Variants in AMPH observed in about 807,000 individuals in gnomAD.
AMPH encodes amphiphysin, also known as amphiphysin (Stiff-Mann syndrome with breast cancer 128kD autoantigen).
In AMPH, 49 loss-of-function variants were observed where a neutral mutation model predicts 99.1. The observed-to-expected ratio is 0.49, with a 90% CI of 0.39 to 0.63. The LOEUF (loss-of-function observed/expected upper bound fraction) is 0.63. Among genes scored for constraint, AMPH ranks in the 20% least tolerant of loss-of-function variants. The pLI is 0.00. For synonymous variants in AMPH, 314 were observed against 317.3 expected, an observed-to-expected ratio of 0.99 and a Z score of 0.11; for missense variants, 759 against 863.4, an observed-to-expected ratio of 0.88 and a Z score of 1.52.
chr7:38,419,505 T>C (rs992965877), intron 16 of AMPH, among the ~76,000 whole-genome samples: 1 of 152,210 alleles, frequency 6.6e-6, no homozygotes, highest in Non-Finnish European at 1.5e-5. Context: ...AAGAATGAGA[T>C]AAAATTCACA....
chr7:38,414,558 T>C (rs1785309957), intron 17 of AMPH, among the ~76,000 whole-genome samples: 1 of 152,194 alleles, frequency 6.6e-6, no homozygotes. Context: ...AATCTAACCA[T>C]AATTAATTGT....
At chr7:38,515,331 A>G (rs912667149) in intron 2 of AMPH, among the ~76,000 whole-genome samples, 1 of 152,234 alleles carries the variant, frequency 6.6e-6, no homozygotes, top group Non-Finnish European at 1.5e-5. Context: ...TGACTGGATC[A>G]TGGGGGTGGA....
chr7:38,472,151 TATAA>T (rs1787910284), intron 7 of AMPH, among the ~76,000 whole-genome samples: 1 of 152,154 alleles, frequency 6.6e-6, no homozygotes, highest in South Asian at 2.1e-4. Flanking sequence ...TCTGAAGGAT[TATAA>T]ATAGTTTGAT....
chr7:38,491,449 T>A (rs1035300532), intron 4 of AMPH, among the ~76,000 whole-genome samples: 12 of 152,122 alleles, frequency 7.9e-5, no homozygotes, highest in Non-Finnish European at 2.9e-5. Context: ...ACTTTGGGGC[T>A]AAGAGACTGA....
At chr7:38,417,997 A>G in intron 16 of AMPH, 47 bp from the exon 17 acceptor site, 1 of 1,594,802 alleles carries the variant, frequency 6.3e-7, no homozygotes. Context: ...TTCAACAGGT[A>G]AATAGATAAC....
At chr7:38,407,481 T>C (rs1275378550) in intron 17 of AMPH, among the ~76,000 whole-genome samples, 1 of 151,974 alleles carries the variant, frequency 6.6e-6, no homozygotes, top group Non-Finnish European at 1.5e-5. Flanking sequence ...GAGAGGAGGC[T>C]GAAGGTTGGA....
At position 38,591,548 on chromosome 7, in the gene AMPH, A is replaced by G. The variant is rs143849496; in HGVS notation, c.69+39735T>C. 2.2e-3 allele frequency among the ~76,000 whole-genome samples: 328 copies of G among 152,212 alleles called. 2 individuals are homozygous for G. Among genetic ancestry groups the G allele is most frequent in the African/African-American group, 6.8e-3 (284 of 41,544 alleles). On this transcript the variant is annotated intron_variant, in intron 1 of 20. Coordinates refer to ENST00000356264, the MANE Select transcript of AMPH (RefSeq NM_001635.4). ...GTGATCTACCCACCTTGGCCTCCCAATGTGCTAAGATTACAGGCATAAGCC... is the reference window on the plus strand; with the variant it reads ...GTGATCTACCCACCTTGGCCTCCCAGTGTGCTAAGATTACAGGCATAAGCC...
intron 1 of AMPH, among the ~76,000 whole-genome samples, chr7:38,598,661 A>G (rs1328778024): frequency 1.3e-5 from 2 of 152,204 alleles, no homozygotes; most frequent in East Asian, 1.9e-4. Context: ...TTTATATTTT[A>G]TAGGTTTATC....
chr7:38,432,272 T>G, intron 12 of AMPH, 60 bp from the exon 13 acceptor site: 1 of 1,476,082 alleles, frequency 6.8e-7, no homozygotes, highest in Non-Finnish European at 9.4e-7. Context: ...AAAAAAATGC[T>G]GAGGTGACAA....
chr7:38,523,733 T>A (rs1790060060), intron 2 of AMPH, among the ~76,000 whole-genome samples: 2 of 152,044 alleles, frequency 1.3e-5, no homozygotes, highest in Non-Finnish European at 2.9e-5. Context: ...TACCACTGAG[T>A]AGAATGCTAA....
At chr7:38,425,562 A>T (rs557561990) in intron 15 of AMPH, among the ~76,000 whole-genome samples, 1 of 152,228 alleles carries the variant, frequency 6.6e-6, no homozygotes, top group Non-Finnish European at 1.5e-5. Context: ...TAGCATTTTC[A>T]TCACTATTAC....
intron 1 of AMPH, among the ~76,000 whole-genome samples, chr7:38,571,510 AATAT>A (rs1792033587): frequency 7.3e-6 from 1 of 136,336 alleles, no homozygotes; most frequent in Admixed American, 8.1e-5. Context: ...TATTCTATAA[AATAT>A]ATATTCTATA....
chr7:38,612,044 C>T (rs1793697792), intron 1 of AMPH, among the ~76,000 whole-genome samples: 1 of 146,694 alleles, frequency 6.8e-6, no homozygotes, highest in Non-Finnish European at 1.5e-5. Flanking sequence ...CTCTAACATT[C>T]TAAGTTCAAT....
chr7:38,559,495 C>A (rs1200507885), intron 1 of AMPH, among the ~76,000 whole-genome samples: 1 of 152,198 alleles, frequency 6.6e-6, no homozygotes, highest in African/African-American at 2.4e-5. Flanking sequence ...AATAGGCTCA[C>A]ATGACCAGCT....
intron 1 of AMPH, among the ~76,000 whole-genome samples, chr7:38,617,025 T>C (rs1431506923): frequency 6.6e-6 from 1 of 152,218 alleles, no homozygotes; most frequent in African/African-American, 2.4e-5. Flanking sequence ...ATTTAGTATT[T>C]TACATAAAAT....
At chr7:38,559,980 ATTC>A (rs1296003527) in intron 1 of AMPH, among the ~76,000 whole-genome samples, 2 of 152,324 alleles carry the variant, frequency 1.3e-5, no homozygotes, top group Non-Finnish European at 2.9e-5. Flanking sequence ...TCCACAGATA[ATTC>A]TTCTGTTTCA....
intron 16 of AMPH, among the ~76,000 whole-genome samples, chr7:38,419,995 C>T (rs980180711): frequency 6.6e-6 from 1 of 152,094 alleles, no homozygotes; most frequent in Non-Finnish European, 1.5e-5. Flanking sequence ...TATAAATGAG[C>T]CCAATTGCAT....
chr7:38,428,209 C>A (rs750166343), intron 14 of AMPH: 1 of 456,744 alleles, frequency 2.2e-6, no homozygotes, highest in South Asian at 1.5e-5. Flanking sequence ...CCAGAGAATC[C>A]TGTTATATCC....
intron 1 of AMPH, among the ~76,000 whole-genome samples, chr7:38,617,611 A>G (rs1793922469): frequency 6.6e-6 from 1 of 152,238 alleles, no homozygotes; most frequent in Non-Finnish European, 1.5e-5. Flanking sequence ...CCCAGGTGCC[A>G]GCAGCTCTGT....
Sources: allele counts gnomAD v4.1 joint callset (sites outside exome capture counted in the v4.1 genomes callset), GRCh38; gene constraint gnomAD v4.1.1; transcripts MANE v1.5; gene names NCBI Gene and HGNC (gene_info 2026-07-23, HGNC 2026-07-21).